Variants in EPB41L1 observed in about 807,000 individuals in gnomAD.
The protein encoded by EPB41L1 is band 4.1-like protein 1.
EPB41L1 carries 29 observed loss-of-function variants against 97.8 expected under a neutral mutation model. The ratio of observed to expected loss-of-function variants is 0.30; its 90% CI spans 0.22 to 0.40. EPB41L1 has a LOEUF of 0.40. EPB41L1 is among the 10% of genes least tolerant of loss of function. The probability of loss-of-function intolerance (pLI) is 1.00; values close to 1 mark genes in which losing one functional copy is unlikely to be tolerated. For missense variants in EPB41L1, 812 were observed against 1,162.3 expected, an observed-to-expected ratio of 0.70 and a Z score of 4.38; for synonymous variants, 383 against 459.2, an observed-to-expected ratio of 0.83 and a Z score of 2.12.
At chr20:36,148,328 C>T (rs1183991951) in intron 2 of EPB41L1, among the ~76,000 whole-genome samples, 1 of 152,100 alleles carries the variant, frequency 6.6e-6, no homozygotes, top group Non-Finnish European at 1.5e-5. Context: ...TTATTTCTAG[C>T]CAGAGGAGTT....
chr20:36,221,654 T>C (rs1480615251), intron 19 of EPB41L1, among the ~76,000 whole-genome samples: 2 of 152,066 alleles, frequency 1.3e-5, no homozygotes, highest in Admixed American at 6.5e-5. Context: ...CTAGATGGGA[T>C]AGTTTGGTAG....
At chr20:36,204,669 G>A (rs1220775381) in intron 14 of EPB41L1, among the ~76,000 whole-genome samples, 1 of 149,200 alleles carries the variant, frequency 6.7e-6, no homozygotes, top group Non-Finnish European at 1.5e-5. Context: ...TTTAGACGGA[G>A]TCTCGCTCTG....
chr20:36,180,002 C>G (rs1482898639), intron 5 of EPB41L1, among the ~76,000 whole-genome samples: 3 of 152,152 alleles, frequency 2.0e-5, no homozygotes. Flanking sequence ...TGGTCAGGAC[C>G]AGGAGCTTGG....
Position 36,232,705 on chromosome 20 carries a change from G to GC in EPB41L1, c.*3366dup. The GC allele has an allele frequency of 2.5e-6, 1 of 398,790 alleles. No homozygotes were observed. The allele number at this position is 398,790 out of a possible 1,614,324, so 24.7% of individuals were successfully genotyped here. A position where few individuals can be genotyped will look rare whatever the true frequency, so the allele number is the denominator to read the frequency against. ...CCCTTCTCTCCTTTCTCGTCCCCAT[G>GC]CTCCCCCACCTCAGTGCTCCGTGCT... On this transcript the variant is annotated 3_prime_UTR_variant, in exon 22 of 22. Transcript: ENST00000338074.
At chr20:36,221,765 C>A in intron 19 of EPB41L1, 99 bp from the exon 20 acceptor site, 1 of 1,036,140 alleles carries the variant, frequency 9.7e-7, no homozygotes, top group Non-Finnish European at 1.5e-6. Context: ...ACTGCTGGTT[C>A]TCAGCCCTGC....
chr20:36,124,620 C>A (rs1360280926), intron 2 of EPB41L1, among the ~76,000 whole-genome samples: 1 of 152,174 alleles, frequency 6.6e-6, no homozygotes, highest in Non-Finnish European at 1.5e-5. Flanking sequence ...TTTAGTCCTC[C>A]CACCCCCTGC....
chr20:36,144,569 GT>G (rs1248672189), intron 2 of EPB41L1, among the ~76,000 whole-genome samples: 1 of 152,174 alleles, frequency 6.6e-6, no homozygotes, highest in Non-Finnish European at 1.5e-5. Flanking sequence ...TCTTATCCTG[GT>G]GGGACACTCT....
upstream of EPB41L1, chr20:36,150,502 A>G (rs1569138674): frequency 6.6e-6 from 1 of 151,164 alleles, no homozygotes; most frequent in South Asian, 2.1e-4. Context: ...ATTGGTTAGC[A>G]CAGACCTAAA....
intron 21 of EPB41L1, among the ~76,000 whole-genome samples, 166 bp downstream of exon 21, chr20:36,222,560 C>T (rs1183551143): frequency 6.6e-6 from 1 of 152,078 alleles, no homozygotes; most frequent in African/African-American, 2.4e-5. Context: ...GAGGCACCTC[C>T]CCGAGATACA....
chr20:36,198,081 A>T (rs1198935745), intron 14 of EPB41L1, 40 bp downstream of exon 14: 1 of 1,580,406 alleles, frequency 6.3e-7, no homozygotes, highest in Non-Finnish European at 8.7e-7. Flanking sequence ...GGCCTTGGGT[A>T]AAGAGACATT....
At chr20:36,170,372 T>C (rs929629856) in intron 1 of EPB41L1, among the ~76,000 whole-genome samples, 1 of 152,216 alleles carries the variant, frequency 6.6e-6, no homozygotes, top group African/African-American at 2.4e-5. Flanking sequence ...GAAATAACTA[T>C]AGTTAATACT....
chr20:36,222,138 T>C, intron 20 of EPB41L1, 140 bp from the exon 21 acceptor site: 1 of 967,756 alleles, frequency 1.0e-6, no homozygotes, highest in Admixed American at 1.7e-5. Context: ...TGAGCTCTAG[T>C]CTCTCCCTTT....
intron 19 of EPB41L1, among the ~76,000 whole-genome samples, 157 bp downstream of exon 19, chr20:36,220,001 A>T (rs893761002): frequency 6.6e-6 from 1 of 152,284 alleles, no homozygotes; most frequent in Non-Finnish European, 1.5e-5. Context: ...CCTGTGCCAC[A>T]TGTTGTTCTA....
chr20:36,179,638 G>A (rs566469523), intron 5 of EPB41L1, among the ~76,000 whole-genome samples: 3 of 152,342 alleles, frequency 2.0e-5, no homozygotes, highest in East Asian at 1.9e-4. Flanking sequence ...CTGGCGCCTC[G>A]AGGCAGAGAT....
chr20:36,222,395 G>A lies in EPB41L1; in HGVS notation c.2637+1G>A. The A allele has an allele frequency of 6.2e-7, 1 of 1,612,060 alleles. No individual in the cohort carries two copies. The highest frequency in any genetic ancestry group is 8.5e-7 in the Non-Finnish European group (1 of 1,178,422). On this transcript the variant is annotated splice_donor_variant, in intron 21 of 21. Transcript: ENST00000338074. LOFTEE classifies it high-confidence loss of function. ...AGAGGAGAGGGACAAGAAGCCACAG[G>A]TAAGGCTCCTGAGGCCCAGCAACCA...
At chr20:36,189,458 C>G (rs1342950015) in intron 9 of EPB41L1, among the ~76,000 whole-genome samples, 1 of 152,218 alleles carries the variant, frequency 6.6e-6, no homozygotes, top group Non-Finnish European at 1.5e-5. Context: ...GTGCTTTAGC[C>G]TCTTCGGCCT....
chr20:36,159,526 T>C (rs1191464818), intron 1 of EPB41L1, among the ~76,000 whole-genome samples: 2 of 152,240 alleles, frequency 1.3e-5, no homozygotes, highest in African/African-American at 4.8e-5. Flanking sequence ...TTGAAGAGAA[T>C]GACGCTAGAC....
chr20:36,094,197 T>C (rs947095702), intron 1 of EPB41L1, among the ~76,000 whole-genome samples: 1 of 152,222 alleles, frequency 6.6e-6, no homozygotes, highest in Non-Finnish European at 1.5e-5. Context: ...TGTGTGTGTT[T>C]TTATAGGTTC....
chr20:36,156,438 C>A (rs572648706), intron 1 of EPB41L1, among the ~76,000 whole-genome samples: 5 of 152,258 alleles, frequency 3.3e-5, no homozygotes, highest in Non-Finnish European at 7.4e-5. Context: ...CTCACTCAGT[C>A]GATATTGAAA....
Sources: allele counts gnomAD v4.1 joint callset (sites outside exome capture counted in the v4.1 genomes callset), GRCh38; gene constraint gnomAD v4.1.1; transcripts MANE v1.5; gene names NCBI Gene and HGNC (gene_info 2026-07-23, HGNC 2026-07-21).